CACNA2D3: variants seen among roughly 807,000 people sequenced by gnomAD.
CACNA2D3 encodes calcium voltage-gated channel auxiliary subunit alpha2delta 3, also known as voltage-dependent calcium channel subunit alpha-2/delta-3.
A neutral mutation model predicts 160.6 loss-of-function variants in CACNA2D3; 60 were observed. That is an observed-to-expected ratio of 0.37 (90% CI 0.30 to 0.46). CACNA2D3 has a LOEUF of 0.46. Among genes scored for constraint, CACNA2D3 ranks in the 20% least tolerant of loss-of-function variants. The pLI, the probability that CACNA2D3 is intolerant of heterozygous loss-of-function variation, is 1.00. For synonymous variants in CACNA2D3, 558 were observed against 492.9 expected (o/e 1.13, Z -1.75); for missense variants, 1,205 against 1,365.0 (o/e 0.88, Z 1.85).
At chr3:54,923,259 C>G (rs1488012519) in intron 27 of CACNA2D3, among the ~76,000 whole-genome samples, 1 of 152,166 alleles carries the variant, frequency 6.6e-6, no homozygotes, top group African/African-American at 2.4e-5. Context: ...CTGGTGTTGT[C>G]TTGTCTGTGT....
intron 2 of CACNA2D3, among the ~76,000 whole-genome samples, chr3:54,298,541 G>A (rs1188530170): frequency 6.6e-6 from 1 of 152,210 alleles, no homozygotes; most frequent in Non-Finnish European, 1.5e-5. Context: ...GCTCATGCCT[G>A]TAATCCCAGC....
chr3:54,609,660 T>C (rs145215902), intron 9 of CACNA2D3, among the ~76,000 whole-genome samples: 1 of 152,256 alleles, frequency 6.6e-6, no homozygotes, highest in African/African-American at 2.4e-5. Context: ...AAGCTTAAAA[T>C]GACAAATGAA....
chr3:54,394,153 C>T (rs1699331353), intron 4 of CACNA2D3, among the ~76,000 whole-genome samples: 2 of 151,908 alleles, frequency 1.3e-5, no homozygotes, highest in Non-Finnish European at 2.9e-5. Context: ...GTCAGAGCAC[C>T]CCTTCTTCCT....
chr3:54,437,506 G>T (rs1339168291), intron 4 of CACNA2D3, among the ~76,000 whole-genome samples: 1 of 152,194 alleles, frequency 6.6e-6, no homozygotes, highest in Admixed American at 6.5e-5. Flanking sequence ...CCACTTAGGT[G>T]GGAATAGCTT....
At chr3:54,187,982 A>T (rs769423111) in intron 2 of CACNA2D3, among the ~76,000 whole-genome samples, 1 of 151,954 alleles carries the variant, frequency 6.6e-6, no homozygotes, top group Non-Finnish European at 1.5e-5. Flanking sequence ...ACAGGGAGGG[A>T]GGGTGCCAGG....
intron 12 of CACNA2D3, among the ~76,000 whole-genome samples, chr3:54,763,760 CATATATATGTATATATGT>C (rs1559573601): frequency 4.6e-4 from 7 of 15,234 alleles, no homozygotes; most frequent in African/African-American, 9.6e-4. Flanking sequence ...TATATATACA[CATATATATGTATATATGT>C]ACATATATAT....
intron 2 of CACNA2D3, among the ~76,000 whole-genome samples, chr3:54,205,803 G>T (rs1374696902): frequency 6.6e-6 from 1 of 152,166 alleles, no homozygotes; most frequent in African/African-American, 2.4e-5. Context: ...TGCGGTGGAG[G>T]ATGTCCTCTT....
chr3:54,898,264 C>A (rs1337357172), intron 26 of CACNA2D3, among the ~76,000 whole-genome samples: 1 of 149,712 alleles, frequency 6.7e-6, no homozygotes, highest in East Asian at 2.0e-4. Flanking sequence ...GCTCCGTCAC[C>A]CAGGTTGGAG....
intron 13 of CACNA2D3, among the ~76,000 whole-genome samples, chr3:54,785,486 A>G (rs913114018): frequency 1.3e-5 from 2 of 152,206 alleles, no homozygotes; most frequent in African/African-American, 4.8e-5. Context: ...GTCATCCTCC[A>G]AAATGTTAAG....
intron 27 of CACNA2D3, among the ~76,000 whole-genome samples, chr3:54,935,018 A>G (rs188062593): frequency 6.6e-6 from 1 of 152,350 alleles, no homozygotes; most frequent in East Asian, 1.9e-4. Context: ...GACTGCAGGC[A>G]TGAGCCATGG....
intron 35 of CACNA2D3, among the ~76,000 whole-genome samples, chr3:55,061,707 T>C (rs1377725304): frequency 1.3e-5 from 2 of 152,194 alleles, no homozygotes; most frequent in African/African-American, 4.8e-5. Context: ...TTTCATATGT[T>C]TGGAGTAGAG....
intron 5 of CACNA2D3, among the ~76,000 whole-genome samples, chr3:54,555,637 C>T (rs1407787149): frequency 6.6e-6 from 1 of 152,226 alleles, no homozygotes. Flanking sequence ...ACATCTGCTA[C>T]TAGTCTGTTT....
intron 5 of CACNA2D3, among the ~76,000 whole-genome samples, chr3:54,525,447 A>G (rs1701710554): frequency 6.6e-6 from 1 of 152,108 alleles, no homozygotes; most frequent in African/African-American, 2.4e-5. Flanking sequence ...TTGAATTACC[A>G]TCTTGGGTTA....
chr3:54,941,650 T>C (rs1257759833), intron 27 of CACNA2D3, among the ~76,000 whole-genome samples: 1 of 152,208 alleles, frequency 6.6e-6, no homozygotes, highest in Non-Finnish European at 1.5e-5. Flanking sequence ...TAACATTTAA[T>C]GGTTTGTGGG....
At chr3:54,432,039 A>G (rs1575451232) in intron 4 of CACNA2D3, among the ~76,000 whole-genome samples, 1 of 152,232 alleles carries the variant, frequency 6.6e-6, no homozygotes, top group East Asian at 1.9e-4. Flanking sequence ...TTCAGCCATC[A>G]AAACCATAAG....
intron 4 of CACNA2D3, among the ~76,000 whole-genome samples, chr3:54,424,044 A>G (rs1699877646): frequency 6.6e-6 from 1 of 152,114 alleles, no homozygotes; most frequent in Admixed American, 6.5e-5. Flanking sequence ...GCACACCACC[A>G]TGACATGCTA....
intron 5 of CACNA2D3, among the ~76,000 whole-genome samples, chr3:54,548,655 G>A (rs181378235): frequency 4.6e-5 from 7 of 152,232 alleles, no homozygotes; most frequent in Non-Finnish European, 7.4e-5. Context: ...GCTCCCCAGC[G>A]TTTCAAAGGA....
chr3:54,390,464 C>G (rs75433734), intron 4 of CACNA2D3, among the ~76,000 whole-genome samples: 1 of 152,142 alleles, frequency 6.6e-6, no homozygotes, highest in South Asian at 2.1e-4. Context: ...CCCCAGTCAC[C>G]TGTTCTGGAC....
intron 3 of CACNA2D3, among the ~76,000 whole-genome samples, chr3:54,382,233 A>G (rs879859952): frequency 2.0e-5 from 3 of 152,262 alleles, no homozygotes; most frequent in Non-Finnish European, 4.4e-5. Flanking sequence ...TAGGTATAAT[A>G]GAGTAACAGT....
Sources: allele counts gnomAD v4.1 joint callset (sites outside exome capture counted in the v4.1 genomes callset), GRCh38; gene constraint gnomAD v4.1.1; transcripts MANE v1.5; gene names NCBI Gene and HGNC (gene_info 2026-07-23, HGNC 2026-07-21).